SZT2: variants seen among roughly 807,000 people sequenced by gnomAD.
The protein encoded by SZT2 is KICSTOR complex protein SZT2.
Under a neutral mutation model 404.2 loss-of-function variants are expected in SZT2, and 216 were observed. The ratio of observed to expected loss-of-function variants is 0.53; its 90% CI spans 0.48 to 0.60. SZT2 has a LOEUF of 0.60. Ranked by LOEUF, SZT2 falls within the 20% of genes least tolerant of loss-of-function variation. The pLI is 0.00. For missense variants in SZT2, 3,857 were observed against 4,459.2 expected, an observed-to-expected ratio of 0.86 and a Z score of 3.85; for synonymous variants, 1,693 against 1,749.9, an observed-to-expected ratio of 0.97 and a Z score of 0.81.
chr1:43,418,875 A>G (rs947416760), intron 7 of SZT2, among the ~76,000 whole-genome samples: 2 of 152,180 alleles, frequency 1.3e-5, no homozygotes, highest in African/African-American at 4.8e-5. Context: ...AAGCTAAGGG[A>G]ATAGTGTTGT....
chr1:43,446,904 G>C, intron 65 of SZT2, 51 bp from the exon 66 acceptor site: 1 of 1,562,852 alleles, frequency 6.4e-7, no homozygotes, highest in Non-Finnish European at 8.7e-7. Flanking sequence ...TGTGTTTTGG[G>C]CAGCCAGTGC....
rs1369577737 is a variant in SZT2 at position 43,424,307 on chromosome 1, C to T, written c.2346C>T (p.Ala782=). The change falls in exon 16 of 72, where the codon GCC becomes GCT. Residue 782 remains alanine (A), a synonymous_variant. Transcript: ENST00000634258. The surrounding 1 kb of genome is among the most constrained non-coding windows in gnomAD (Gnocchi z 4.1). ...GPLPLVSGRS[A]SSSLASLSRY... ...TGCCCTTGGTGTCAGGCCGCTCAGC[C>T]TCTTCTAGCCTGGCGTCACTGTCCC... 5 of 1,597,946 alleles carry T rather than the reference C, an allele frequency of 3.1e-6. No homozygotes were observed. The highest frequency in any genetic ancestry group is 1.1e-5 in the South Asian group (1 of 91,092).
chr1:43,447,762 T>G, intron 67 of SZT2, 64 bp downstream of exon 67: 1 of 1,610,696 alleles, frequency 6.2e-7, no homozygotes, highest in Non-Finnish European at 8.5e-7. Context: ...ATACTTGCAG[T>G]AGGGAGACCA....
chr1:43,434,593 G>A (rs569381413), intron 41 of SZT2, 108 bp downstream of exon 41: 6 of 1,061,738 alleles, frequency 5.7e-6, no homozygotes, highest in Non-Finnish European at 6.9e-6. Flanking sequence ...CAATAATTAT[G>A]GAAAGTTTTT....
chr1:43,453,689 G>A lies in SZT2; in HGVS notation c.*3209G>A, dbSNP rs1188065711. 1 of 1,453,538 alleles carries A rather than the reference G, an allele frequency of 6.9e-7. No homozygotes were observed. Among genetic ancestry groups the A allele is most frequent in the Admixed American group, 2.8e-5 (1 of 35,998 alleles). 90.0% of individuals were successfully genotyped at this position (1,453,538 alleles called of 1,614,324 possible). On this transcript the variant is annotated 3_prime_UTR_variant, in exon 72 of 72. Coordinates refer to ENST00000634258, the MANE Select transcript of SZT2 (RefSeq NM_001365999.1). ...TCTCCGCGTACGGCCAGGCCACCTC[G>A]ACGGCCTCGAAGCCCGAGCTGCCCG...
chr1:43,439,072 C>G lies in SZT2; in HGVS notation c.6771C>G (p.Ser2257Arg). Residue 2257 changes from serine to arginine, a missense_variant, in exon 48 of 72, where the codon AGC (serine) becomes AGG (arginine). Coordinates refer to ENST00000634258, the MANE Select transcript of SZT2 (RefSeq NM_001365999.1). The surrounding 1 kb of genome is among the most constrained non-coding windows in gnomAD (Gnocchi z 4.2). ...TGCACTCTCCCAAGTACACAGATAG[C>G]AACAGCCGGAACCACTTCCAAGTGA... ...IFLHSPKYTD[S>R]NSRNHFQHPL... 1 of 1,614,224 alleles carries G rather than the reference C, an allele frequency of 6.2e-7. No individual in the cohort carries two copies. The highest frequency in any genetic ancestry group is 8.5e-7 in the Non-Finnish European group (1 of 1,180,042).
Position 43,446,964 on chromosome 1 carries a change from C to T in SZT2, c.9082C>T (p.Leu3028=). Residue 3028 remains leucine (L), a synonymous_variant, in exon 66 of 72, where the codon CTG becomes TTG. Coordinates refer to ENST00000634258, the MANE Select transcript of SZT2 (RefSeq NM_001365999.1). The part of the protein sequence containing the change: ...GQAVNSQLSM[L]FTEECDKVRD... ...GCTGCTGCCTCCCCAGCTGTCCATG[C>T]TGTTCACAGAGGAGTGTGACAAGGT... 1 of 1,611,060 alleles carries T rather than the reference C, an allele frequency of 6.2e-7. No homozygotes were observed. Among genetic ancestry groups the T allele is most frequent in the Non-Finnish European group, 8.5e-7 (1 of 1,178,524 alleles).
chr1:43,425,114 A>G lies in SZT2; in HGVS notation c.2552A>G (p.Asn851Ser). Reference sequence around the variant, plus strand: ...CAAGATCTCCCATTTTGCCCACAGAATGAACCACCAGGGCAGGCTGCAGCT... The same window carrying G: ...CAAGATCTCCCATTTTGCCCACAGAGTGAACCACCAGGGCAGGCTGCAGCT... ...INMVLELPIQ[N>S]EPPGQAAAEE... The change falls in exon 18 of 72, where the codon AAT (asparagine) becomes AGT (serine). Residue 851 changes from asparagine to serine, a missense_variant and splice_region_variant. Physicochemically the swap from Asn to Ser is conservative, Grantham distance 46. Around this residue, in one of 7 missense-constraint regions of SZT2, gnomAD observed 1,725 missense variants for 1,881.0 expected, o/e 0.92. Transcript: ENST00000634258. This position sits in a 1 kb window ranked among gnomAD's most constrained non-coding sequence, Gnocchi z 4.3. The G allele has an allele frequency of 6.2e-7, 1 of 1,614,162 alleles. No individual in the cohort carries two copies. The highest frequency in any genetic ancestry group is 8.5e-7 in the Non-Finnish European group (1 of 1,180,000).
intron 33 of SZT2, 32 bp from the exon 34 acceptor site, chr1:43,431,233 C>T: frequency 6.3e-7 from 1 of 1,577,832 alleles, no homozygotes; most frequent in Middle Eastern, 1.7e-4. Flanking sequence ...GATAGTAACT[C>T]CTGACCTTTG....
intron 1 of SZT2, among the ~76,000 whole-genome samples, chr1:43,402,316 A>G (rs1649779936): frequency 6.6e-6 from 1 of 152,186 alleles, no homozygotes; most frequent in Non-Finnish European, 1.5e-5. Context: ...TTATTTCCTC[A>G]GTGAACTGTG....
chr1:43,442,289 T>A lies in SZT2; in HGVS notation c.7895T>A (p.Phe2632Tyr). Residue 2632 changes from phenylalanine (F) to tyrosine (Y), a missense_variant, in exon 57 of 72, where the codon TTC (phenylalanine) becomes TAC (tyrosine). Coordinates refer to ENST00000634258, the MANE Select transcript of SZT2 (RefSeq NM_001365999.1). This position sits in a 1 kb window ranked among gnomAD's most constrained non-coding sequence, Gnocchi z 4.5. ...TQQAAKAMQR[F>Y]EPGGDGSSGR... The stretch of plus-strand genomic sequence containing the variant: ...GTAGCTGCCAAAGCCATGCAGCGCT[T>A]CGAGCCAGGAGGTGATGGGAGCTCA... The A allele has an allele frequency of 6.2e-7, 1 of 1,613,946 alleles. No homozygotes were observed. Among genetic ancestry groups the A allele is most frequent in the Non-Finnish European group, 8.5e-7 (1 of 1,179,912 alleles).
At position 43,443,330 on chromosome 1, in the gene SZT2, G is replaced by A. The variant is rs201582825; in HGVS notation, c.8500-22G>A. ...TGATCCTGCCCCGTCACTGCTCCATGCTCACTGCCCTGTTTCCCCAGGCTG... is the reference window on the plus strand; with the variant it reads ...TGATCCTGCCCCGTCACTGCTCCATACTCACTGCCCTGTTTCCCCAGGCTG... On this transcript the variant is annotated intron_variant, in intron 60 of 71. Coordinates refer to ENST00000634258, the MANE Select transcript of SZT2 (RefSeq NM_001365999.1). The A allele has an allele frequency of 3.7e-5, 60 of 1,614,128 alleles. No individual in the cohort carries two copies. In the African/African-American group the frequency reaches 6.8e-4, roughly 18 times the overall value.
In SZT2 at chr1:43,442,787, C is replaced by T. The variant is rs769851064; in HGVS notation, c.8152-32C>T. ...GAGAGAGAGGGTCCGAGGGCAAAGGCTATGAACCCATTGCAATGCTCCATC... is the reference window on the plus strand; with the variant it reads ...GAGAGAGAGGGTCCGAGGGCAAAGGTTATGAACCCATTGCAATGCTCCATC... On this transcript the variant is annotated intron_variant, in intron 58 of 71. Coordinates refer to ENST00000634258, the MANE Select transcript of SZT2 (RefSeq NM_001365999.1). The surrounding 1 kb of genome is among the most constrained non-coding windows in gnomAD (Gnocchi z 4.5). 3 of 1,574,146 alleles carry T rather than the reference C, an allele frequency of 1.9e-6. No homozygotes were observed. Among genetic ancestry groups the T allele is most frequent in the Non-Finnish European group, 2.6e-6 (3 of 1,159,932 alleles).
At position 43,453,099 on chromosome 1, in the gene SZT2, G is replaced by A. The variant is rs1656617663; in HGVS notation, c.*2619G>A. 3 of 782,262 alleles carry A rather than the reference G, an allele frequency of 3.8e-6. No homozygotes were observed. The highest frequency in any genetic ancestry group is 6.7e-6 in the Non-Finnish European group (3 of 447,494). 48.5% of individuals were successfully genotyped at this position (782,262 alleles called of 1,614,324 possible). ...CCTGCTCCCACAGCTTCCTGGAATAGGCCTGTCCTCAAATGCATCACTGTA... is the reference window on the plus strand; with the variant it reads ...CCTGCTCCCACAGCTTCCTGGAATAAGCCTGTCCTCAAATGCATCACTGTA... On this transcript the variant is annotated 3_prime_UTR_variant, in exon 72 of 72. Transcript: ENST00000634258.
chr1:43,449,950 C>T, intron 70 of SZT2, 153 bp from the exon 71 acceptor site: 2 of 858,288 alleles, frequency 2.3e-6, no homozygotes, highest in South Asian at 1.5e-5. Context: ...AGGACTGAGG[C>T]TCAATTTGGA....
At chr1:43,394,809 G>A (rs146950189) in intron 1 of SZT2, among the ~76,000 whole-genome samples, 3 of 152,036 alleles carry the variant, frequency 2.0e-5, no homozygotes, top group East Asian at 1.9e-4. Flanking sequence ...AATCCAGGAG[G>A]TGGAGGTTGC....
rs377503040 is a variant in SZT2, at chr1:43,419,893, C to T, written c.1039C>T (p.Leu347Phe). ...GLTVYHRAFL[L>F]YSFLRSGEAL... is the part of the protein sequence containing the mutation. ...GACTGTCTACCACCGGGCATTTCTC[C>T]TCTATTCCTTCCTGCGCAGTGGGGA... Residue 347 changes from leucine to phenylalanine, a missense_variant, in exon 8 of 72, where the codon CTC becomes TTC. Leu to Phe is a conservative substitution (Grantham distance 22). This residue lies in a region of SZT2 where 536 missense variants were observed against 637.4 expected (regional missense o/e 0.84). Coordinates refer to ENST00000634258, the MANE Select transcript of SZT2 (RefSeq NM_001365999.1). The T allele has an allele frequency of 5.6e-6, 9 of 1,598,472 alleles. No homozygotes were observed. The African/African-American group carries it at 8.0e-5, about 14-fold the overall frequency.
At chr1:43,428,524 C>G (rs1257919245) in intron 28 of SZT2, 38 bp downstream of exon 28, 1 of 1,595,044 alleles carries the variant, frequency 6.3e-7, no homozygotes, top group Admixed American at 1.7e-5. Flanking sequence ...AGGGGGTACA[C>G]AGACCAAGTC....
intron 65 of SZT2, chr1:43,446,698 G>C: frequency 3.2e-6 from 2 of 616,708 alleles, no homozygotes; most frequent in South Asian, 4.0e-5. Flanking sequence ...GGCAGACCCT[G>C]ATGGAATCTG....
Sources: allele counts gnomAD v4.1 joint callset (sites outside exome capture counted in the v4.1 genomes callset), GRCh38; gene constraint gnomAD v4.1.1; regional missense constraint gnomAD v4.1.1; non-coding constraint Gnocchi (gnomAD v3.1); transcripts MANE v1.5; gene names NCBI Gene and HGNC (gene_info 2026-07-23, HGNC 2026-07-21).